CNTNAP2: variants seen among roughly 807,000 people sequenced by gnomAD.
CNTNAP2 encodes the protein contactin-associated protein-like 2.
CNTNAP2 carries 98 observed loss-of-function variants against 155.2 expected under a neutral mutation model. The ratio of observed to expected loss-of-function variants is 0.63; its 90% confidence interval spans 0.54 to 0.75. CNTNAP2 has a LOEUF of 0.75. CNTNAP2 is among the 30% of genes least tolerant of loss of function. The probability of loss-of-function intolerance (pLI) is 0.00; values close to 1 mark genes in which losing one functional copy is unlikely to be tolerated. For synonymous variants in CNTNAP2, 651 were observed against 631.2 expected, an observed-to-expected ratio of 1.03 and a Z score of -0.47; for missense variants, 1,727 against 1,688.1, an observed-to-expected ratio of 1.02 and a Z score of -0.40.
rs1362400705 is a variant in CNTNAP2, at chr7:146,350,742, C to T, written c.97+233769C>T. 1.9e-4 allele frequency among the ~76,000 whole-genome samples: 29 copies of T among 151,894 alleles called. 1 individual carries two copies. The highest frequency in any genetic ancestry group is 7.9e-4 in the Admixed American group (12 of 15,248). On this transcript the variant is annotated intron_variant, in intron 1 of 23. Transcript: ENST00000361727. ...GACACATGCACACGTATGTTTATTG[C>T]GGCACTATTCACAATAGCAAAGACT...
intron 12 of CNTNAP2, among the ~76,000 whole-genome samples, chr7:147,632,133 C>T (rs1156568272): frequency 6.6e-6 from 1 of 152,018 alleles, no homozygotes; most frequent in African/African-American, 2.4e-5. Flanking sequence ...AAATCAGCAA[C>T]AAAAAACCAA....
chr7:147,364,291 T>A (rs1304650674), intron 9 of CNTNAP2, among the ~76,000 whole-genome samples: 1 of 152,204 alleles, frequency 6.6e-6, no homozygotes, highest in East Asian at 1.9e-4. Flanking sequence ...TTTTCTAGTT[T>A]TGTTATTTCC....
At chr7:147,429,691 G>A (rs1012196168) in intron 10 of CNTNAP2, among the ~76,000 whole-genome samples, 9 of 151,876 alleles carry the variant, frequency 5.9e-5, no homozygotes, top group African/African-American at 1.7e-4. Flanking sequence ...AATTTTTATC[G>A]TTTCACATCT....
rs1584752905 is a variant in CNTNAP2, at chr7:146,964,725, G to C, written c.403-79182G>C. 1.3e-5 allele frequency among the ~76,000 whole-genome samples: 2 copies of C among 152,254 alleles called. 1 individual carries two copies. Among genetic ancestry groups the C allele is most frequent in the Middle Eastern group, 6.8e-3 (2 of 294 alleles). ...GGGGTTCACAAACTCTTTCTGCAAA[G>C]GACCAGATACAAGTATTGTAGGCTT... On this transcript the variant is annotated intron_variant, in intron 3 of 23. Coordinates refer to ENST00000361727, the MANE Select transcript of CNTNAP2 (RefSeq NM_014141.6).
chr7:148,331,742 T>C (rs80275711), intron 21 of CNTNAP2, among the ~76,000 whole-genome samples: 1,041 of 3,580 alleles, frequency 0.29, 74 homozygotes, highest in Admixed American at 0.32. Flanking sequence ...ATGGAGTGGA[T>C]GGATGGAACG....
intron 5 of CNTNAP2, among the ~76,000 whole-genome samples, chr7:147,111,910 A>G (rs914708019): frequency 1.3e-5 from 2 of 152,136 alleles, no homozygotes; most frequent in Admixed American, 6.6e-5. Flanking sequence ...AGAATGGTCA[A>G]TGGTAGTTTA....
intron 3 of CNTNAP2, among the ~76,000 whole-genome samples, chr7:146,840,967 A>C (rs890017485): frequency 6.6e-6 from 1 of 152,236 alleles, no homozygotes; most frequent in African/African-American, 2.4e-5. Flanking sequence ...TAAGTTACGG[A>C]AAGCAAGTAG....
chr7:147,708,876 T>C (rs1218019493), intron 13 of CNTNAP2, among the ~76,000 whole-genome samples: 1 of 152,206 alleles, frequency 6.6e-6, no homozygotes, highest in Non-Finnish European at 1.5e-5. Context: ...AAGAGACACG[T>C]AGCAGATGCC....
intron 1 of CNTNAP2, among the ~76,000 whole-genome samples, chr7:146,589,541 T>C (rs1798748574): frequency 6.6e-6 from 1 of 151,322 alleles, no homozygotes; most frequent in African/African-American, 2.4e-5. Context: ...TAACTGGGAG[T>C]TGAACAGTGA....
chr7:148,163,916 A>C (rs1161205466), intron 17 of CNTNAP2, among the ~76,000 whole-genome samples: 1 of 152,130 alleles, frequency 6.6e-6, no homozygotes, highest in African/African-American at 2.4e-5. Context: ...CTGCACTGAC[A>C]CCACAGGTAT....
At chr7:148,057,645 G>C (rs1222073277) in intron 15 of CNTNAP2, among the ~76,000 whole-genome samples, 1 of 152,174 alleles carries the variant, frequency 6.6e-6, no homozygotes, top group Non-Finnish European at 1.5e-5. Context: ...AGAGAAGAAA[G>C]ACTGTGGGCA....
intron 2 of CNTNAP2, among the ~76,000 whole-genome samples, chr7:146,778,338 A>G (rs1802425964): frequency 1.3e-5 from 2 of 152,240 alleles, no homozygotes; most frequent in Non-Finnish European, 1.5e-5. Context: ...GTTCTCCACA[A>G]TACAAATCCA....
chr7:148,217,372 G>A lies in CNTNAP2; in HGVS notation c.3095G>A (p.Arg1032Lys), dbSNP rs758650857. 2.4e-5 allele frequency: 39 copies of A among 1,614,038 alleles called. No homozygotes were observed. Among genetic ancestry groups the A allele is most frequent in the Non-Finnish European group, 3.2e-5 (38 of 1,180,024 alleles). Residue 1032 changes from arginine to lysine, a missense_variant, in exon 19 of 24, where the codon AGA becomes AAA. Physicochemically the swap from Arg to Lys is conservative, Grantham distance 26. Transcript: ENST00000361727. ...PATNARDSSS[R>K]VDNAPDQQNS... Reference sequence around the variant, plus strand: ...ACAAATGCCAGAGACTCCAGCAGCAGAGTAGACAACGCTCCCGACCAGCAG... The same window carrying A: ...ACAAATGCCAGAGACTCCAGCAGCAAAGTAGACAACGCTCCCGACCAGCAG...
intron 3 of CNTNAP2, among the ~76,000 whole-genome samples, chr7:146,908,942 T>C (rs1056808965): frequency 6.8e-6 from 1 of 147,592 alleles, no homozygotes; most frequent in Admixed American, 6.7e-5. Context: ...AAGAATCAAA[T>C]AGACACAATA....
chr7:147,179,029 T>G (rs1451012247), intron 8 of CNTNAP2, among the ~76,000 whole-genome samples: 1 of 152,112 alleles, frequency 6.6e-6, no homozygotes, highest in Non-Finnish European at 1.5e-5. Flanking sequence ...TCATCCCAAC[T>G]GCAGTGCTGT....
At chr7:148,383,207 T>TTAAAG (rs1554427395) in intron 21 of CNTNAP2, among the ~76,000 whole-genome samples, 1,555 of 148,126 alleles carry the variant, frequency 0.01, 25 homozygotes, top group African/African-American at 0.038. Context: ...TTTTTTTTTT[T>TTAAAG]AAAGAATTCT....
At chr7:147,277,703 A>G (rs541048746) in intron 8 of CNTNAP2, among the ~76,000 whole-genome samples, 4 of 151,896 alleles carry the variant, frequency 2.6e-5, no homozygotes, top group Admixed American at 2.0e-4. Flanking sequence ...TGCTATATTC[A>G]TCCTCCCAAG....
chr7:147,468,829 C>G (rs1798163201), intron 10 of CNTNAP2, among the ~76,000 whole-genome samples: 1 of 56,676 alleles, frequency 1.8e-5, no homozygotes, highest in South Asian at 5.1e-4. Flanking sequence ...CTTTTTTCTT[C>G]TTCTTCTTCT....
chr7:147,138,984 C>T (rs373149202), intron 8 of CNTNAP2, among the ~76,000 whole-genome samples: 3 of 151,952 alleles, frequency 2.0e-5, no homozygotes, highest in African/African-American at 7.2e-5. Flanking sequence ...AAAAAAAAAT[C>T]AGATATCACT....
Sources: gnomAD v4.1 joint callset for allele counts (sites outside exome capture counted in the v4.1 genomes callset) on GRCh38, gnomAD v4.1.1 for gene constraint, MANE v1.5 for transcripts, NCBI Gene and HGNC (gene_info 2026-07-23, HGNC 2026-07-21) for gene names.